TAFA4: variants seen among roughly 807,000 people sequenced by gnomAD.
TAFA4 encodes chemokine-like protein TAFA-4.
A neutral mutation model predicts 21.1 loss-of-function variants in TAFA4; 20 were observed. That is an observed-to-expected ratio of 0.95 (90% CI 0.67 to 1.38). TAFA4 has a LOEUF of 1.38. Ranked by LOEUF, TAFA4 falls within the 40% of genes most tolerant of loss-of-function variation. The pLI is 0.00. For synonymous variants in TAFA4, 71 were observed against 67.4 expected (o/e 1.05, Z -0.26); for missense variants, 211 against 180.9 (o/e 1.17, Z -0.95).
intron 3 of TAFA4, among the ~76,000 whole-genome samples, chr3:68,840,752 ACT>A (rs945257949): frequency 2.8e-4 from 43 of 152,112 alleles, no homozygotes; most frequent in African/African-American, 9.6e-4. Context: ...TTAGCAGTAA[ACT>A]CTCTTCATGC....
At chr3:68,785,307 C>T (rs939801780) in intron 3 of TAFA4, among the ~76,000 whole-genome samples, 13 of 152,246 alleles carry the variant, frequency 8.5e-5, no homozygotes, top group African/African-American at 2.7e-4. Flanking sequence ...CCGCACCATG[C>T]GCCCACACTC....
At chr3:68,766,636 C>T (rs2106775714) in intron 3 of TAFA4, among the ~76,000 whole-genome samples, 1 of 150,998 alleles carries the variant, frequency 6.6e-6, no homozygotes, top group East Asian at 1.9e-4. Flanking sequence ...AGAAACAATC[C>T]AGATGTCCCC....
At chr3:68,801,820 A>C (rs1308692595) in intron 3 of TAFA4, among the ~76,000 whole-genome samples, 2 of 152,192 alleles carry the variant, frequency 1.3e-5, no homozygotes, top group Non-Finnish European at 2.9e-5. Context: ...AGATTTGATC[A>C]AAGTTTACCA....
chr3:68,868,430 C>T (rs1229697467), intron 3 of TAFA4, among the ~76,000 whole-genome samples: 1 of 151,974 alleles, frequency 6.6e-6, no homozygotes, highest in African/African-American at 2.4e-5. Context: ...ACATTTCATC[C>T]AGCTGCTGCA....
chr3:68,896,205 A>C (rs191806489), intron 1 of TAFA4, among the ~76,000 whole-genome samples: 1 of 152,312 alleles, frequency 6.6e-6, no homozygotes, highest in Non-Finnish European at 1.5e-5. Context: ...TGTAGGCCAT[A>C]GTGTGCTGTT....
rs1454023579 is a variant in TAFA4, at chr3:68,732,068, TTCA to T, written c.*1071_*1073del. ...CATCTAAAATCTGGGTCAGTCATTC[TTCA>T]TCTGTTTCATACGTTTCCGCATGAC... On this transcript the variant is annotated 3_prime_UTR_variant, in exon 6 of 6. Coordinates refer to ENST00000295569, the MANE Select transcript of TAFA4 (RefSeq NM_182522.5). The T allele has an allele frequency of 1.3e-5, 2 of 152,626 alleles. No homozygotes were observed. Among genetic ancestry groups the T allele is most frequent in the African/African-American group, 4.8e-5 (2 of 41,474 alleles). The allele number at this position is 152,626 out of a possible 1,614,324, so 9.5% of individuals were successfully genotyped here. A position where few individuals can be genotyped will look rare whatever the true frequency, so the allele number is the denominator to read the frequency against.
intron 3 of TAFA4, among the ~76,000 whole-genome samples, chr3:68,764,329 G>A (rs765046793): frequency 7.2e-4 from 110 of 152,062 alleles, no homozygotes; most frequent in Admixed American, 1.7e-3. Flanking sequence ...ATTGCCAGAG[G>A]TCCAAGATCA....
At chr3:68,743,613 GC>G (rs2106737036) in intron 4 of TAFA4, among the ~76,000 whole-genome samples, 3 of 149,824 alleles carry the variant, frequency 2.0e-5, no homozygotes, top group South Asian at 4.3e-4. Flanking sequence ...TATATTCTTT[GC>G]AGCCTCAAAT....
At chr3:68,881,306 G>A (rs1463912861) in intron 2 of TAFA4, among the ~76,000 whole-genome samples, 1 of 152,182 alleles carries the variant, frequency 6.6e-6, no homozygotes, top group Non-Finnish European at 1.5e-5. Flanking sequence ...TGGTCTGGAA[G>A]ACTAGGTTCA....
intron 3 of TAFA4, among the ~76,000 whole-genome samples, chr3:68,757,608 T>C (rs531665355): frequency 6.6e-6 from 1 of 152,360 alleles, no homozygotes; most frequent in South Asian, 2.1e-4. Flanking sequence ...CTTAGAACTC[T>C]GTTGCTATAT....
At position 68,841,332 on chromosome 3, in the gene TAFA4, A is replaced by T. The variant is rs1559539795; in HGVS notation, c.130+39398T>A. ...AGCGAGACTCCGTCTCAAAAAAAAAAAAAATAAAAAAAAATAAAATCCACA... is the reference window on the plus strand; with the variant it reads ...AGCGAGACTCCGTCTCAAAAAAAAATAAAATAAAAAAAAATAAAATCCACA... On this transcript the variant is annotated intron_variant, in intron 3 of 5. Coordinates refer to ENST00000295569, the MANE Select transcript of TAFA4 (RefSeq NM_182522.5). Among the ~76,000 whole-genome samples, 4 of 72,298 alleles carry T rather than the reference A, an allele frequency of 5.5e-5. 1 individual carries two copies. Among genetic ancestry groups the T allele is most frequent in the East Asian group, 2.6e-4 (1 of 3,842 alleles). 47.4% of individuals were successfully genotyped at this position (72,298 alleles called of 152,430 possible).
intron 1 of TAFA4, among the ~76,000 whole-genome samples, chr3:68,921,730 T>C (rs1240229186): frequency 1.3e-5 from 2 of 152,226 alleles, no homozygotes; most frequent in African/African-American, 4.8e-5. Context: ...GTATGTCACC[T>C]GCCGATAGGA....
chr3:68,781,936 G>A (rs1229938726), intron 3 of TAFA4, among the ~76,000 whole-genome samples: 1 of 152,216 alleles, frequency 6.6e-6, no homozygotes, highest in South Asian at 2.1e-4. Context: ...CATGACTTTC[G>A]ATTTAGCAAT....
chr3:68,923,957 G>T (rs1472946333), intron 1 of TAFA4, among the ~76,000 whole-genome samples: 2 of 152,198 alleles, frequency 1.3e-5, no homozygotes, highest in African/African-American at 4.8e-5. Flanking sequence ...GCAAAGAAGG[G>T]TGATGATTGA....
intron 3 of TAFA4, among the ~76,000 whole-genome samples, chr3:68,799,464 G>C (rs1383038564): frequency 6.6e-6 from 1 of 152,140 alleles, no homozygotes; most frequent in Non-Finnish European, 1.5e-5. Context: ...TTGGGGGTTA[G>C]GATTTCAACA....
At chr3:68,875,617 G>A (rs569429067) in intron 3 of TAFA4, among the ~76,000 whole-genome samples, 1 of 152,266 alleles carries the variant, frequency 6.6e-6, no homozygotes, top group South Asian at 2.1e-4. Context: ...AAGTACAGGA[G>A]AAACCATATT....
chr3:68,897,058 A>G (rs1271797345), intron 1 of TAFA4, among the ~76,000 whole-genome samples: 1 of 152,012 alleles, frequency 6.6e-6, no homozygotes, highest in Non-Finnish European at 1.5e-5. Flanking sequence ...ACACGCCACC[A>G]TGCCTGGCTA....
chr3:68,871,475 A>G (rs1315954745), intron 3 of TAFA4, among the ~76,000 whole-genome samples: 2 of 152,178 alleles, frequency 1.3e-5, no homozygotes, highest in African/African-American at 4.8e-5. Flanking sequence ...CTATGAAACT[A>G]TTAGAAGCAA....
At chr3:68,748,514 G>A (rs757505873) in intron 4 of TAFA4, among the ~76,000 whole-genome samples, 8 of 152,164 alleles carry the variant, frequency 5.3e-5, no homozygotes, top group Non-Finnish European at 7.4e-5. Flanking sequence ...AGGCCAAGGC[G>A]GGTGGATCAC....
Sources: gnomAD v4.1 joint callset for allele counts (sites outside exome capture counted in the v4.1 genomes callset) on GRCh38, gnomAD v4.1.1 for gene constraint, MANE v1.5 for transcripts, NCBI Gene and HGNC (gene_info 2026-07-23, HGNC 2026-07-21) for gene names.